Variants in GRM1 observed in about 807,000 individuals in gnomAD.
The protein encoded by GRM1 is glutamate metabotropic receptor 1, also known as metabotropic glutamate receptor 1.
GRM1 carries 33 observed loss-of-function variants against 90.9 expected under a neutral mutation model. The observed-to-expected ratio is 0.36, with a 90% CI of 0.28 to 0.49. The LOEUF (loss-of-function observed/expected upper bound fraction) is 0.49. Ranked by LOEUF, GRM1 falls within the 20% of genes least tolerant of loss-of-function variation. The pLI, the probability that GRM1 is intolerant of heterozygous loss-of-function variation, is 0.99. For synonymous variants in GRM1, 700 were observed against 613.2 expected, an observed-to-expected ratio of 1.14 and a Z score of -2.09; for missense variants, 1,190 against 1,534.3, an observed-to-expected ratio of 0.78 and a Z score of 3.75.
In GRM1 at chr6:146,364,686, C is replaced by T. The variant is rs1353099764; in HGVS notation, c.1602+6992C>T. On this transcript the variant is annotated intron_variant, in intron 5 of 7. Coordinates refer to ENST00000282753, the MANE Select transcript of GRM1 (RefSeq NM_001278064.2). The stretch of plus-strand genomic sequence containing the variant: ...ATATTAAAAAATAGTACAATAGTTA[C>T]TCGCATATCCACCAATCTCATTCCA... Among the ~76,000 whole-genome samples the T allele has an allele frequency of 3.3e-5, 5 of 151,762 alleles. No homozygotes were observed. The East Asian group carries it at 9.7e-4, about 29-fold the overall frequency.
intron 2 of GRM1, among the ~76,000 whole-genome samples, chr6:146,251,392 C>G (rs961036544): frequency 6.6e-6 from 1 of 152,162 alleles, no homozygotes; most frequent in African/African-American, 2.4e-5. Flanking sequence ...TTATGTTTGT[C>G]CTTGCATTCA....
At chr6:146,228,100 T>C (rs978871160) in intron 2 of GRM1, among the ~76,000 whole-genome samples, 2 of 152,202 alleles carry the variant, frequency 1.3e-5, no homozygotes, top group African/African-American at 2.4e-5. Context: ...TTATCAACTG[T>C]TGAGTAGAAC....
intron 7 of GRM1, among the ~76,000 whole-genome samples, chr6:146,411,598 C>A (rs953108450): frequency 2.6e-5 from 4 of 152,100 alleles, no homozygotes; most frequent in African/African-American, 9.7e-5. Context: ...GTTTAGGAGA[C>A]GAGCAAGATA....
chr6:146,063,176 A>G lies in GRM1; in HGVS notation c.700+32959A>G, dbSNP rs79331530. Among the ~76,000 whole-genome samples, 572 of 152,334 alleles carry G rather than the reference A, an allele frequency of 3.8e-3. 2 individuals are homozygous for G. Among genetic ancestry groups the G allele is most frequent in the African/African-American group, 0.013 (556 of 41,582 alleles). On this transcript the variant is annotated intron_variant, in intron 1 of 7. Coordinates refer to ENST00000282753, the MANE Select transcript of GRM1 (RefSeq NM_001278064.2). ...GCAGGCTGATTTCAGCGCACCCAGC[A>G]TAGGCTCCAGTGCAAAGTACCACCA...
intron 2 of GRM1, among the ~76,000 whole-genome samples, chr6:146,174,813 C>T (rs936581909): frequency 1.3e-5 from 2 of 152,194 alleles, no homozygotes; most frequent in Non-Finnish European, 1.5e-5. Flanking sequence ...CATCCAAAAT[C>T]TCATTATCTC....
At chr6:146,104,562 A>G (rs912073249) in intron 1 of GRM1, among the ~76,000 whole-genome samples, 3 of 152,358 alleles carry the variant, frequency 2.0e-5, no homozygotes, top group South Asian at 2.1e-4. Flanking sequence ...AAGGAAGAGC[A>G]GCTAGTGAAC....
chr6:146,395,321 G>A (rs1776888779), intron 6 of GRM1, among the ~76,000 whole-genome samples: 1 of 151,942 alleles, frequency 6.6e-6, no homozygotes, highest in Non-Finnish European at 1.5e-5. Flanking sequence ...GAGAGAATAT[G>A]GTCCTTTTTA....
chr6:146,341,698 G>C (rs362865), intron 3 of GRM1, among the ~76,000 whole-genome samples: 18,684 of 152,222 alleles, frequency 0.12, 1,369 homozygotes, highest in South Asian at 0.2. Flanking sequence ...GCCCAGAGAT[G>C]CTAAACTCCG....
chr6:146,261,040 C>A (rs1781679859), intron 2 of GRM1, among the ~76,000 whole-genome samples: 1 of 151,786 alleles, frequency 6.6e-6, no homozygotes, highest in African/African-American at 2.4e-5. Context: ...CCTGGCTAGT[C>A]ATTCATGCTG....
At chr6:146,353,354 A>T (rs1262608050) in intron 4 of GRM1, among the ~76,000 whole-genome samples, 1 of 152,200 alleles carries the variant, frequency 6.6e-6, no homozygotes, top group East Asian at 1.9e-4. Context: ...AGGCCCTGTC[A>T]CCTGTCAGTC....
intron 1 of GRM1, among the ~76,000 whole-genome samples, chr6:146,067,341 A>G (rs998025015): frequency 1.3e-5 from 2 of 152,208 alleles, no homozygotes; most frequent in Admixed American, 6.5e-5. Flanking sequence ...GGCAGTGTAT[A>G]AACTAAATTT....
intron 2 of GRM1, among the ~76,000 whole-genome samples, chr6:146,284,980 C>T (rs1382334179): frequency 1.3e-5 from 2 of 152,170 alleles, no homozygotes; most frequent in Non-Finnish European, 2.9e-5. Flanking sequence ...GTTCCAAGCA[C>T]CTCACCCAAT....
intron 2 of GRM1, among the ~76,000 whole-genome samples, chr6:146,270,918 TTCCTTCCTTCCTTCCTTC>T (rs1782124520): frequency 2.8e-5 from 3 of 108,652 alleles, no homozygotes; most frequent in Non-Finnish European, 5.5e-5. Context: ...TCTTTCTTCC[TTCCTTCCTTCCTTCCTTC>T]CTTCCTTCCT....
intron 2 of GRM1, 138 bp from the exon 3 acceptor site, chr6:146,304,473 A>T: frequency 2.8e-6 from 2 of 714,452 alleles, no homozygotes; most frequent in Non-Finnish European, 5.1e-6. Context: ...TCTACCAAAA[A>T]AAAAGTTGAT....
At chr6:146,054,282 G>T (rs1302037216) in intron 1 of GRM1, among the ~76,000 whole-genome samples, 2 of 151,984 alleles carry the variant, frequency 1.3e-5, no homozygotes, top group Non-Finnish European at 2.9e-5. Context: ...AGTACTCAAA[G>T]TACTCTTTCA....
chr6:146,029,056 C>T, upstream of GRM1: 1 of 252,708 alleles, frequency 4.0e-6, no homozygotes, highest in Non-Finnish European at 7.8e-6. Context: ...ACCACAGCTG[C>T]GCTCCAAGCT....
At chr6:146,320,633 C>A (rs1784148222) in intron 3 of GRM1, among the ~76,000 whole-genome samples, 2 of 151,784 alleles carry the variant, frequency 1.3e-5, no homozygotes, top group African/African-American at 4.8e-5. Flanking sequence ...TTAATTATTG[C>A]CTCAATTTCA....
chr6:146,028,590 GAC>G (rs1790587146), upstream of GRM1, among the ~76,000 whole-genome samples: 1 of 152,018 alleles, frequency 6.6e-6, no homozygotes, highest in South Asian at 2.1e-4. Context: ...CAGCAAGCCT[GAC>G]TTCTTACGGG....
At chr6:146,303,487 A>G (rs1447967597) in intron 2 of GRM1, among the ~76,000 whole-genome samples, 1 of 152,194 alleles carries the variant, frequency 6.6e-6, no homozygotes, top group Non-Finnish European at 1.5e-5. Context: ...TTTGAGATGT[A>G]GATCGTCTAG....
Sources: gnomAD v4.1 joint callset for allele counts (sites outside exome capture counted in the v4.1 genomes callset) on GRCh38, gnomAD v4.1.1 for gene constraint, MANE v1.5 for transcripts, NCBI Gene and HGNC (gene_info 2026-07-23, HGNC 2026-07-21) for gene names.